CDH8: variants seen among roughly 807,000 people sequenced by gnomAD.
CDH8 encodes cadherin 8.
A neutral mutation model predicts 68.1 loss-of-function variants in CDH8; 17 were observed. That is an observed-to-expected ratio of 0.25 (90% CI 0.17 to 0.37). The LOEUF is 0.37. Ranked by LOEUF, CDH8 falls within the 10% of genes least tolerant of loss-of-function variation. The pLI is 1.00. For synonymous variants in CDH8, 372 were observed against 365.1 expected (o/e 1.02, Z -0.21); for missense variants, 763 against 999.3 (o/e 0.76, Z 3.19).
At chr16:61,843,456 A>C (rs1048077982) in intron 4 of CDH8, among the ~76,000 whole-genome samples, 2 of 152,280 alleles carry the variant, frequency 1.3e-5, no homozygotes, top group Non-Finnish European at 2.9e-5. Context: ...AAGAAATGGG[A>C]TCTCAGGGAT....
intron 8 of CDH8, among the ~76,000 whole-genome samples, chr16:61,748,398 C>T (rs1960078801): frequency 6.6e-6 from 1 of 151,964 alleles, no homozygotes; most frequent in African/African-American, 2.4e-5. Flanking sequence ...AACATCCATT[C>T]ATTAAACAAA....
intron 9 of CDH8, among the ~76,000 whole-genome samples, chr16:61,717,021 C>T (rs1001568898): frequency 7.3e-5 from 11 of 151,576 alleles, no homozygotes; most frequent in Admixed American, 1.3e-4. Flanking sequence ...CTGGAGACCA[C>T]GTAGGGTCCA....
At position 61,993,415 on chromosome 16, in the gene CDH8, G is replaced by A. The variant is rs1159684548; in HGVS notation, c.252+27737C>T. Among the ~76,000 whole-genome samples the A allele has an allele frequency of 4.6e-5, 7 of 151,900 alleles. No homozygotes were observed. In the East Asian group the frequency reaches 9.7e-4, roughly 21 times the overall value. ...GCTCACAGCAACTTCTGCCTCCCGG[G>A]TTCAAGTGATTCTCCTGCTTCAGCC... On this transcript the variant is annotated intron_variant, in intron 2 of 11. Coordinates refer to ENST00000577390, the MANE Select transcript of CDH8 (RefSeq NM_001796.5).
intron 2 of CDH8, among the ~76,000 whole-genome samples, chr16:61,954,145 A>C (rs1964945196): frequency 1.3e-5 from 2 of 151,806 alleles, no homozygotes; most frequent in South Asian, 2.1e-4. Context: ...ACTAGGCTGA[A>C]CTCTTTTCAT....
At chr16:61,686,085 A>G (rs1287805380) in intron 10 of CDH8, among the ~76,000 whole-genome samples, 1 of 152,024 alleles carries the variant, frequency 6.6e-6, no homozygotes, top group African/African-American at 2.4e-5. Context: ...TGGAGTTGCC[A>G]GTTTTTGCTT....
At chr16:61,714,576 G>T (rs931828898) in intron 9 of CDH8, among the ~76,000 whole-genome samples, 1 of 151,538 alleles carries the variant, frequency 6.6e-6, no homozygotes, top group East Asian at 1.9e-4. Context: ...GAATTACCAC[G>T]GTGCAGAGAA....
intron 2 of CDH8, among the ~76,000 whole-genome samples, chr16:61,982,317 T>A (rs1262639197): frequency 6.6e-6 from 1 of 152,096 alleles, no homozygotes; most frequent in African/African-American, 2.4e-5. Flanking sequence ...CCTCCCGGGT[T>A]CACGCCATTC....
At chr16:61,748,236 C>CATT (rs1021550656) in intron 8 of CDH8, among the ~76,000 whole-genome samples, 2 of 151,802 alleles carry the variant, frequency 1.3e-5, no homozygotes, top group Admixed American at 6.6e-5. Flanking sequence ...TCATCATCAT[C>CATT]ATCACTTTTT....
chr16:61,913,024 T>G (rs529894745), intron 2 of CDH8, among the ~76,000 whole-genome samples: 1 of 152,292 alleles, frequency 6.6e-6, no homozygotes, highest in South Asian at 2.1e-4. Flanking sequence ...TATATACTAT[T>G]GGGTATGATA....
chr16:61,825,680 G>T (rs1294937975), intron 4 of CDH8, among the ~76,000 whole-genome samples: 2 of 151,816 alleles, frequency 1.3e-5, no homozygotes, highest in Non-Finnish European at 2.9e-5. Context: ...CAACTCAGAT[G>T]AATAAAATAC....
intron 9 of CDH8, among the ~76,000 whole-genome samples, chr16:61,717,583 A>G (rs1025805410): frequency 4.6e-5 from 7 of 151,602 alleles, no homozygotes; most frequent in African/African-American, 1.7e-4. Flanking sequence ...GCCATTATTA[A>G]CTTTTGAAAG....
Position 61,941,736 on chromosome 16 carries a change from C to G in CDH8, c.253-40263G>C, listed in dbSNP as rs200374296. Among the ~76,000 whole-genome samples, 23 of 152,352 alleles carry G rather than the reference C, an allele frequency of 1.5e-4. No individual in the cohort carries two copies. The East Asian group carries it at 1.9e-3, about 13-fold the overall frequency. On this transcript the variant is annotated intron_variant, in intron 2 of 11. Coordinates refer to ENST00000577390, the MANE Select transcript of CDH8 (RefSeq NM_001796.5). ...GGATTACAGACATGAGCCACCACAT[C>G]TGGCCTCCTATTTTGTTTTGTTTTG... is the stretch of plus-strand genomic sequence containing the variant.
At chr16:61,789,129 A>C (rs1450534652) in intron 8 of CDH8, among the ~76,000 whole-genome samples, 1 of 152,074 alleles carries the variant, frequency 6.6e-6, no homozygotes, top group African/African-American at 2.4e-5. Flanking sequence ...TGGATATAAG[A>C]ATGTTTCCTT....
At chr16:62,014,015 T>G (rs2048318) in intron 2 of CDH8, among the ~76,000 whole-genome samples, 1 of 151,990 alleles carries the variant, frequency 6.6e-6, no homozygotes. Context: ...ACATAAGCAT[T>G]GATTATCCAC....
chr16:61,904,623 T>A (rs1964033238), intron 2 of CDH8, among the ~76,000 whole-genome samples: 2 of 152,366 alleles, frequency 1.3e-5, no homozygotes, highest in South Asian at 2.1e-4. Context: ...ATATAAGTGT[T>A]ATTTTCAACT....
At chr16:61,684,094 G>A (rs1369828278) in intron 10 of CDH8, among the ~76,000 whole-genome samples, 1 of 151,970 alleles carries the variant, frequency 6.6e-6, no homozygotes, top group South Asian at 2.1e-4. Context: ...ATTGTGTCTT[G>A]ATAATTCCCT....
chr16:61,918,256 AC>A (rs1402941578), intron 2 of CDH8: 1 of 152,364 alleles, frequency 6.6e-6, no homozygotes, highest in East Asian at 1.9e-4. Flanking sequence ...TCTGGTACAT[AC>A]CGAACTATGA....
intron 10 of CDH8, among the ~76,000 whole-genome samples, chr16:61,685,459 T>G (rs1048711715): frequency 6.6e-6 from 1 of 151,950 alleles, no homozygotes; most frequent in African/African-American, 2.4e-5. Context: ...GAAACAGCAC[T>G]TTCAATGGCC....
intron 10 of CDH8, among the ~76,000 whole-genome samples, chr16:61,705,653 A>T (rs541245865): frequency 1.3e-5 from 2 of 152,330 alleles, no homozygotes; most frequent in South Asian, 4.1e-4. Flanking sequence ...CTGACCAGAC[A>T]AATGCTTCCT....
Sources: gnomAD v4.1 joint callset for allele counts (sites outside exome capture counted in the v4.1 genomes callset) on GRCh38, gnomAD v4.1.1 for gene constraint, MANE v1.5 for transcripts, NCBI Gene and HGNC (gene_info 2026-07-23, HGNC 2026-07-21) for gene names.